Variants in PRRC2C observed in about 807,000 individuals in gnomAD.
The protein encoded by PRRC2C is proline rich coiled-coil 2C, also known as protein PRRC2C.
A neutral mutation model predicts 317.2 loss-of-function variants in PRRC2C; 72 were observed. The observed-to-expected ratio is 0.23, with a 90% CI of 0.19 to 0.28. The LOEUF is 0.28. Ranked by LOEUF, PRRC2C falls within the 10% of genes least tolerant of loss-of-function variation. The probability of loss-of-function intolerance (pLI) is 1.00; values close to 1 mark genes in which losing one functional copy is unlikely to be tolerated. For synonymous variants in PRRC2C, 1,296 were observed against 1,205.9 expected, an observed-to-expected ratio of 1.07 and a Z score of -1.55; for missense variants, 3,074 against 3,459.7, an observed-to-expected ratio of 0.89 and a Z score of 2.80.
intron 34 of PRRC2C, chr1:171,591,371 T>G: frequency 1.9e-6 from 1 of 527,744 alleles, no homozygotes; most frequent in Non-Finnish European, 2.7e-6. Flanking sequence ...GGTGGTCCTG[T>G]GGTTTTTTTT....
In PRRC2C at chr1:171,541,509, G is replaced by C. The variant is rs775219675; in HGVS notation, c.4043G>C (p.Gly1348Ala). The change falls in exon 16 of 35, where the codon GGA (glycine) becomes GCA (alanine). Residue 1348 changes from glycine (G) to alanine (A), a missense_variant. Gly to Ala is a moderately conservative substitution (Grantham distance 60). Coordinates refer to ENST00000647382, the MANE Select transcript of PRRC2C (RefSeq NM_001387844.1). The surrounding 1 kb of genome is among the most constrained non-coding windows in gnomAD (Gnocchi z 4.1). ...KGEPTRRGRG[G>A]TFRRGGRDPG... Reference sequence around the variant, plus strand: ...GAGCCTACAAGGAGAGGCAGAGGGGGAACATTCAGGCGTGGTGGAAGGGAT... The same window carrying C: ...GAGCCTACAAGGAGAGGCAGAGGGGCAACATTCAGGCGTGGTGGAAGGGAT... The C allele has an allele frequency of 8.7e-6, 14 of 1,613,464 alleles. No individual in the cohort carries two copies. The Admixed American group carries it at 2.3e-4, about 27-fold the overall frequency.
intron 11 of PRRC2C, among the ~76,000 whole-genome samples, chr1:171,530,938 C>T (rs7534464): frequency 0.16 from 24,000 of 152,096 alleles, 1,956 homozygotes; most frequent in Middle Eastern, 0.29. Flanking sequence ...CAAAGACTTA[C>T]GCATGAATGT....
At chr1:171,559,240 A>G (rs1682081829) in intron 19 of PRRC2C, among the ~76,000 whole-genome samples, 1 of 152,252 alleles carries the variant, frequency 6.6e-6, no homozygotes, top group Non-Finnish European at 1.5e-5. Flanking sequence ...TTTTTAACGT[A>G]GATGAAGCAG....
At chr1:171,520,599 G>A (rs1673363274) in intron 6 of PRRC2C, among the ~76,000 whole-genome samples, 1 of 152,158 alleles carries the variant, frequency 6.6e-6, no homozygotes, top group Admixed American at 6.5e-5. Flanking sequence ...ATTATGTCTG[G>A]AATGACCAGA....
intron 23 of PRRC2C, 94 bp downstream of exon 23, chr1:171,568,433 A>G: frequency 1.4e-6 from 2 of 1,442,030 alleles, no homozygotes; most frequent in Non-Finnish European, 1.8e-6. Flanking sequence ...TGTAGTGATC[A>G]ATATTTAACT....
intron 6 of PRRC2C, among the ~76,000 whole-genome samples, chr1:171,518,885 CTTT>C (rs767023404): frequency 7.6e-6 from 1 of 130,848 alleles, no homozygotes; most frequent in Non-Finnish European, 1.7e-5. Context: ...TTTCCTACCA[CTTT>C]TTTTTTTTTT....
Position 171,577,591 on chromosome 1 carries a change from C to A in PRRC2C, c.7113C>A (p.Ala2371=). The A allele has an allele frequency of 1.2e-6, 2 of 1,613,706 alleles. No homozygotes were observed. Among genetic ancestry groups the A allele is most frequent in the South Asian group, 2.2e-5 (2 of 91,070 alleles). Residue 2371 remains alanine (A), a synonymous_variant, in exon 26 of 35, where the codon GCC becomes GCA. Transcript: ENST00000647382. ...TAAGCTGTATGCCTTCCCTTATTGC[C>A]CAGCAGCAACAGAATCCGCAAGTTT... ...SQLSCMPSLI[A]QQQQNPQVYV...
intron 1 of PRRC2C, among the ~76,000 whole-genome samples, chr1:171,509,122 C>G (rs770495311): frequency 6.6e-6 from 1 of 152,102 alleles, no homozygotes; most frequent in Non-Finnish European, 1.5e-5. Flanking sequence ...CCTGACCTCA[C>G]GATCCACCTG....
chr1:171,518,027 G>A (rs967118038), intron 6 of PRRC2C, among the ~76,000 whole-genome samples: 1 of 152,186 alleles, frequency 6.6e-6, no homozygotes, highest in African/African-American at 2.4e-5. Context: ...TCCGGGAAAC[G>A]TTACCACGCA....
intron 25 of PRRC2C, among the ~76,000 whole-genome samples, chr1:171,576,256 C>G (rs1035160635): frequency 6.6e-6 from 1 of 152,172 alleles, no homozygotes; most frequent in Non-Finnish European, 1.5e-5. Flanking sequence ...GTAGGAAGAT[C>G]TGGAAATAAT....
At chr1:171,496,812 T>TGTGTGTGTGG (rs71107321) in intron 1 of PRRC2C, among the ~76,000 whole-genome samples, 1 of 147,000 alleles carries the variant, frequency 6.8e-6, no homozygotes, top group African/African-American at 2.5e-5. Flanking sequence ...TGTGTGTGTG[T>TGTGTGTGTGG]TTTGTTTTGA....
chr1:171,491,650 A>T (rs762997834), intron 1 of PRRC2C, among the ~76,000 whole-genome samples: 7 of 152,194 alleles, frequency 4.6e-5, no homozygotes, highest in Non-Finnish European at 8.8e-5. Context: ...TTTTGCTGAG[A>T]TGGGTTAGGT....
intron 19 of PRRC2C, 84 bp downstream of exon 19, chr1:171,558,227 A>C: frequency 7.2e-7 from 1 of 1,384,346 alleles, no homozygotes; most frequent in Non-Finnish European, 9.6e-7. Flanking sequence ...ATACTCTTTA[A>C]GTGTTTTCTA....
chr1:171,591,481 G>A, intron 34 of PRRC2C, 106 bp from the exon 35 acceptor site: 2 of 1,412,718 alleles, frequency 1.4e-6, no homozygotes, highest in South Asian at 1.4e-5. Flanking sequence ...CCAAACCAGT[G>A]TGGGGAAAAC....
intron 10 of PRRC2C, among the ~76,000 whole-genome samples, chr1:171,525,899 A>G (rs1172929716): frequency 2.6e-5 from 4 of 152,224 alleles, no homozygotes; most frequent in East Asian, 1.9e-4. Context: ...TAAGAGAGCT[A>G]TGTAAGAACC....
intron 6 of PRRC2C, among the ~76,000 whole-genome samples, chr1:171,520,498 C>T (rs1181892915): frequency 1.3e-5 from 2 of 152,260 alleles, no homozygotes; most frequent in South Asian, 4.1e-4. Context: ...ATTTAAATAT[C>T]ACTACTGTAT....
chr1:171,567,670 G>T (rs772773455), intron 22 of PRRC2C, among the ~76,000 whole-genome samples: 6 of 152,170 alleles, frequency 3.9e-5, no homozygotes, highest in Non-Finnish European at 8.8e-5. Context: ...ACACACAAAA[G>T]ATTCTTTTAA....
chr1:171,547,035 T>G (rs2102546808), intron 17 of PRRC2C, among the ~76,000 whole-genome samples: 1 of 152,220 alleles, frequency 6.6e-6, no homozygotes, highest in East Asian at 1.9e-4. Flanking sequence ...GAGACCAGCC[T>G]GACCAACATG....
intron 11 of PRRC2C, among the ~76,000 whole-genome samples, chr1:171,531,637 A>G (rs1468545167): frequency 1.3e-5 from 2 of 152,196 alleles, no homozygotes; most frequent in Non-Finnish European, 2.9e-5. Context: ...TTGTTTTTGC[A>G]TAGTTGCAAG....
Sources: allele counts gnomAD v4.1 joint callset (sites outside exome capture counted in the v4.1 genomes callset), GRCh38; gene constraint gnomAD v4.1.1; non-coding constraint Gnocchi (gnomAD v3.1); transcripts MANE v1.5; gene names NCBI Gene and HGNC (gene_info 2026-07-23, HGNC 2026-07-21).